R3HCC1L: variants seen among roughly 807,000 people sequenced by gnomAD.
R3HCC1L encodes coiled-coil domain-containing protein R3HCC1L.
R3HCC1L carries 51 observed loss-of-function variants against 59.9 expected under a neutral mutation model. That is an observed-to-expected ratio of 0.85 (90% CI 0.68 to 1.07). The LOEUF is 1.07. Ranked by LOEUF, R3HCC1L falls within the 50% of genes least tolerant of loss-of-function variation. The pLI is 0.00. For synonymous variants in R3HCC1L, 322 were observed against 315.2 expected (o/e 1.02, Z -0.23); for missense variants, 965 against 933.0 (o/e 1.03, Z -0.45).
chr10:98,137,241 T>C (rs1844692392), intron 1 of R3HCC1L, among the ~76,000 whole-genome samples: 1 of 152,200 alleles, frequency 6.6e-6, no homozygotes, highest in Non-Finnish European at 1.5e-5. Context: ...GCATTTTGGA[T>C]TTCGGATTTT....
At chr10:98,173,954 A>C (rs1306600749) in intron 4 of R3HCC1L, among the ~76,000 whole-genome samples, 1 of 152,166 alleles carries the variant, frequency 6.6e-6, no homozygotes, top group Non-Finnish European at 1.5e-5. Context: ...GTTGCTTTTT[A>C]AGAAATCTGA....
chr10:98,178,855 C>T (rs1849324604), intron 4 of R3HCC1L, among the ~76,000 whole-genome samples: 1 of 152,118 alleles, frequency 6.6e-6, no homozygotes, highest in Non-Finnish European at 1.5e-5. Flanking sequence ...CATGATTTGG[C>T]TCTCTGTTTG....
chr10:98,208,142 G>C lies in R3HCC1L; in HGVS notation c.28G>C (p.Val10Leu). Residue 10 changes from valine to leucine, a missense_variant, in exon 5 of 10, where the codon GTT becomes CTT. By Grantham distance (32) the Val-to-Leu change is conservative. Coordinates refer to ENST00000298999, the MANE Select transcript of R3HCC1L (RefSeq NM_001351015.2). ...GCAGCAAGAATCAGAGAGATGCAGAGTTAGAGCCAGAAGGCCTGACATGGC... is the reference window on the plus strand; with the variant it reads ...GCAGCAAGAATCAGAGAGATGCAGACTTAGAGCCAGAAGGCCTGACATGGC... MQQESERCR[V>L]RARRPDMALY... 1 of 1,613,310 alleles carries C rather than the reference G, an allele frequency of 6.2e-7. No individual in the cohort carries two copies. Among genetic ancestry groups the C allele is most frequent in the Non-Finnish European group, 8.5e-7 (1 of 1,179,746 alleles).
intron 1 of R3HCC1L, among the ~76,000 whole-genome samples, chr10:98,142,949 CAAACAAAACA>C (rs1237885167): frequency 1.4e-5 from 2 of 146,664 alleles, no homozygotes; most frequent in East Asian, 1.9e-4. Flanking sequence ...AAAAAACAAA[CAAACAAAACA>C]AAACAAAACA....
Position 98,209,040 on chromosome 10 carries a change from C to T in R3HCC1L, c.926C>T (p.Pro309Leu). The change falls in exon 5 of 10, where the codon CCT becomes CTT. Residue 309 changes from proline (P) to leucine (L), a missense_variant. Physicochemically the swap from Pro to Leu is moderately conservative, Grantham distance 98. Transcript: ENST00000298999. ...ILDQKDTDSI[P>L]ATMGHISLSE... ...GATCAAAAAGATACAGATTCCATTC[C>T]TGCAACTATGGGTCACATCTCTCTG... 6.2e-7 allele frequency: 1 copy of T among 1,613,602 alleles called. No individual in the cohort carries two copies. Among genetic ancestry groups the T allele is most frequent in the Non-Finnish European group, 8.5e-7 (1 of 1,179,600 alleles).
At chr10:98,141,749 T>C (rs751794456) in intron 1 of R3HCC1L, among the ~76,000 whole-genome samples, 4 of 152,152 alleles carry the variant, frequency 2.6e-5, no homozygotes, top group Non-Finnish European at 5.9e-5. Context: ...CTTTGCAGCA[T>C]GGTGGTGGCT....
chr10:98,211,906 G>A (rs1367765852), intron 5 of R3HCC1L, among the ~76,000 whole-genome samples: 2 of 152,240 alleles, frequency 1.3e-5, no homozygotes, highest in East Asian at 1.9e-4. Context: ...CAACAACTCA[G>A]TATTTCGAGG....
At chr10:98,201,536 C>T (rs1053754200) in intron 4 of R3HCC1L, among the ~76,000 whole-genome samples, 4 of 152,132 alleles carry the variant, frequency 2.6e-5, no homozygotes, top group African/African-American at 7.2e-5. Flanking sequence ...ATTTTCCTTC[C>T]GTACCCTCCC....
At chr10:98,178,994 T>G (rs1849343534) in intron 4 of R3HCC1L, among the ~76,000 whole-genome samples, 1 of 152,202 alleles carries the variant, frequency 6.6e-6, no homozygotes, top group African/African-American at 2.4e-5. Context: ...AAATATACAA[T>G]CATGTCATCT....
chr10:98,223,403 A>C (rs1855286112), intron 5 of R3HCC1L, among the ~76,000 whole-genome samples: 1 of 151,792 alleles, frequency 6.6e-6, no homozygotes, highest in Non-Finnish European at 1.5e-5. Flanking sequence ...GTTGGTGAAT[A>C]ATTACTGTGT....
rs574736476 is a variant in R3HCC1L at position 98,193,712 on chromosome 10, T to A, written c.-14-14389T>A. Among the ~76,000 whole-genome samples, 106 of 152,278 alleles carry A rather than the reference T, an allele frequency of 7.0e-4. 2 individuals are homozygous for A. The highest frequency in any genetic ancestry group is 3.3e-3 in the East Asian group (17 of 5,182). On this transcript the variant is annotated intron_variant, in intron 4 of 9. Transcript: ENST00000298999. ...TACTCCAAAAATCCAAAATTCAGAA[T>A]GCTTCAATGAGCATTTCCCTTGAGT...
chr10:98,180,044 GTC>G (rs1438475410), intron 4 of R3HCC1L, among the ~76,000 whole-genome samples: 1 of 152,050 alleles, frequency 6.6e-6, no homozygotes, highest in Non-Finnish European at 1.5e-5. Context: ...GGGTTTTTGT[GTC>G]TCTATTTCCT....
rs532003014 is a variant in R3HCC1L, at chr10:98,152,525, C to T, written c.-267-3568C>T. On this transcript the variant is annotated intron_variant, in intron 1 of 9. Coordinates refer to ENST00000298999, the MANE Select transcript of R3HCC1L (RefSeq NM_001351015.2). ...GAAGTGAGGAGCGTCTCTGCCCGGC[C>T]GCCCAGTCTGGGAAGTGAGGAGCGC... 7.3e-5 allele frequency among the ~76,000 whole-genome samples: 9 copies of T among 122,820 alleles called. 1 individual carries two copies. The highest frequency in any genetic ancestry group is 2.1e-4 in the African/African-American group (8 of 37,964). 80.6% of individuals were successfully genotyped at this position (122,820 alleles called of 152,430 possible).
At chr10:98,202,046 G>A (rs772725433) in intron 4 of R3HCC1L, among the ~76,000 whole-genome samples, 1 of 152,028 alleles carries the variant, frequency 6.6e-6, no homozygotes, top group Admixed American at 6.6e-5. Context: ...GATTACAGGC[G>A]CATGCCTCTG....
intron 1 of R3HCC1L, among the ~76,000 whole-genome samples, chr10:98,146,500 A>G (rs1225580360): frequency 6.6e-6 from 1 of 152,160 alleles, no homozygotes; most frequent in Non-Finnish European, 1.5e-5. Context: ...GTACCCACCA[A>G]TCTGCATTCT....
chr10:98,206,299 C>A (rs1372495878), intron 4 of R3HCC1L, among the ~76,000 whole-genome samples: 1 of 148,718 alleles, frequency 6.7e-6, no homozygotes, highest in East Asian at 2.0e-4. Flanking sequence ...ATACAGAAGT[C>A]ACGTCTTCTG....
intron 4 of R3HCC1L, among the ~76,000 whole-genome samples, chr10:98,173,390 T>G (rs528221058): frequency 6.6e-6 from 1 of 152,322 alleles, no homozygotes; most frequent in South Asian, 2.1e-4. Flanking sequence ...GCTCCTGCTC[T>G]TTGTTCTGAA....
chr10:98,195,595 A>AC (rs545907147), intron 4 of R3HCC1L, among the ~76,000 whole-genome samples: 164 of 68,400 alleles, frequency 2.4e-3, no homozygotes, highest in African/African-American at 6.6e-3. Flanking sequence ...AAATACACAC[A>AC]AAAAAAAACT....
chr10:98,156,808 G>C (rs979271199), intron 2 of R3HCC1L, among the ~76,000 whole-genome samples: 9 of 152,186 alleles, frequency 5.9e-5, no homozygotes, highest in Non-Finnish European at 8.8e-5. Flanking sequence ...TAAAAGAAAA[G>C]TAAGTTGTTT....
Sources: gnomAD v4.1 joint callset for allele counts (sites outside exome capture counted in the v4.1 genomes callset) on GRCh38, gnomAD v4.1.1 for gene constraint, MANE v1.5 for transcripts, NCBI Gene and HGNC (gene_info 2026-07-23, HGNC 2026-07-21) for gene names.